The following ASH1L variants were observed in gnomAD, a reference collection of about 807,000 sequenced individuals.
ASH1L encodes the protein histone-lysine N-methyltransferase ASH1L.
In ASH1L, 23 loss-of-function variants were observed where a neutral mutation model predicts 269.0. The observed-to-expected ratio is 0.09, with a 90% CI of 0.06 to 0.12. The LOEUF is 0.12. Ranked by LOEUF, ASH1L falls within the 10% of genes least tolerant of loss-of-function variation. The pLI is 1.00. For synonymous variants in ASH1L, 1,187 were observed against 1,253.5 expected, an observed-to-expected ratio of 0.95 and a Z score of 1.12; for missense variants, 2,912 against 3,567.8, an observed-to-expected ratio of 0.82 and a Z score of 4.68.
intron 2 of ASH1L, among the ~76,000 whole-genome samples, chr1:155,485,729 GC>G (rs2148744713): frequency 6.6e-6 from 1 of 152,218 alleles, no homozygotes; most frequent in South Asian, 2.1e-4. Context: ...CCATTAAAAT[GC>G]CTACAAACAT....
intron 3 of ASH1L, among the ~76,000 whole-genome samples, chr1:155,474,604 G>C (rs1665385423): frequency 6.6e-6 from 1 of 152,200 alleles, no homozygotes; most frequent in South Asian, 2.1e-4. Flanking sequence ...AGGAGGCTGA[G>C]GCTGGAAAAT....
Position 155,354,647 on chromosome 1 carries a change from A to C in ASH1L, c.7056-17T>G. On this transcript the variant is annotated splice_polypyrimidine_tract_variant and intron_variant, in intron 15 of 27. Transcript: ENST00000392403. ...ACAAAGTTCCTGCAAGGAAGGAAAA[A>C]AAATCTTCCTTTATTCATTAATTAA... The C allele has an allele frequency of 6.2e-7, 1 of 1,603,124 alleles. No individual in the cohort carries two copies. Among genetic ancestry groups the C allele is most frequent in the Non-Finnish European group, 8.5e-7 (1 of 1,176,556 alleles).
intron 3 of ASH1L, among the ~76,000 whole-genome samples, chr1:155,463,749 C>T (rs944309072): frequency 7.2e-5 from 11 of 152,172 alleles, no homozygotes; most frequent in African/African-American, 1.9e-4. Flanking sequence ...AAGCTGTGAT[C>T]GCACCACTGC....
Position 155,479,026 on chromosome 1 carries a change from T to C in ASH1L, c.3844A>G (p.Arg1282Gly). The C allele has an allele frequency of 6.2e-7, 1 of 1,613,916 alleles. No individual in the cohort carries two copies. Among genetic ancestry groups the C allele is most frequent in the Non-Finnish European group, 8.5e-7 (1 of 1,180,034 alleles). Residue 1282 changes from arginine (R) to glycine (G), a missense_variant, in exon 3 of 28, where the codon AGA (arginine) becomes GGA (glycine). Coordinates refer to ENST00000392403, the MANE Select transcript of ASH1L (RefSeq NM_018489.3). ...RKKKYPQLRN[R>G]QDPDFIAELE... is the part of the protein sequence containing the mutation. Reference sequence around the variant, plus strand: ...TCTGCAATAAAGTCTGGATCCTGTCTATTTCGAAGCTGGGGATATTTCTTT... The same window carrying C: ...TCTGCAATAAAGTCTGGATCCTGTCCATTTCGAAGCTGGGGATATTTCTTT...
chr1:155,464,084 G>A (rs1003648209), intron 3 of ASH1L, among the ~76,000 whole-genome samples: 2 of 152,112 alleles, frequency 1.3e-5, no homozygotes, highest in African/African-American at 4.8e-5. Flanking sequence ...TTTCCCAAGG[G>A]AGAAAGTAGT....
At chr1:155,416,378 C>T (rs1571152679) in intron 5 of ASH1L, among the ~76,000 whole-genome samples, 1 of 152,116 alleles carries the variant, frequency 6.6e-6, no homozygotes, top group East Asian at 1.9e-4. Flanking sequence ...CTTGGCCTCC[C>T]AAGTGCTGGG....
At chr1:155,545,174 C>CAAAAAAA (rs1558211884) in intron 1 of ASH1L, among the ~76,000 whole-genome samples, 1 of 2,186 alleles carries the variant, frequency 4.6e-4, no homozygotes, top group African/African-American at 9.7e-4. Flanking sequence ...CTCCATCTCA[C>CAAAAAAA]CAAAAAAAAA....
At chr1:155,515,602 C>T (rs1032773029) in intron 2 of ASH1L, among the ~76,000 whole-genome samples, 6 of 151,840 alleles carry the variant, frequency 4.0e-5, no homozygotes, top group African/African-American at 1.5e-4. Flanking sequence ...CTGAGGCAGG[C>T]GAATCACCTG....
At chr1:155,352,630 C>T in intron 17 of ASH1L, 76 bp downstream of exon 17, 1 of 1,419,386 alleles carries the variant, frequency 7.0e-7, no homozygotes, top group Non-Finnish European at 9.4e-7. Flanking sequence ...TATAGCAAGA[C>T]CCTATCTCTA....
At chr1:155,496,170 T>A (rs1177204511) in intron 2 of ASH1L, among the ~76,000 whole-genome samples, 4 of 152,228 alleles carry the variant, frequency 2.6e-5, no homozygotes. Context: ...ATTATTTATT[T>A]AAAAATTTTT....
At chr1:155,420,354 A>T (rs1571163656) in intron 5 of ASH1L, among the ~76,000 whole-genome samples, 1 of 142,722 alleles carries the variant, frequency 7.0e-6, no homozygotes, top group African/African-American at 2.6e-5. Context: ...ACAGAATGAG[A>T]CTCCATCTCA....
chr1:155,475,770 T>C (rs1047371666), intron 3 of ASH1L, among the ~76,000 whole-genome samples: 3 of 152,220 alleles, frequency 2.0e-5, no homozygotes, highest in African/African-American at 7.2e-5. Context: ...CAGTTAAATG[T>C]TGCACATCTG....
intron 2 of ASH1L, among the ~76,000 whole-genome samples, chr1:155,484,956 C>A (rs112088299): frequency 0.012 from 1,458 of 125,274 alleles, 57 homozygotes; most frequent in Admixed American, 0.075. Context: ...AAAACAAAAA[C>A]AAAAACAAAA....
chr1:155,338,031 C>T, intron 27 of ASH1L, 58 bp downstream of exon 27: 2 of 1,522,436 alleles, frequency 1.3e-6, no homozygotes, highest in Non-Finnish European at 1.8e-6. Context: ...AATTTTTTTC[C>T]ATTCCCTCTC....
intron 12 of ASH1L, among the ~76,000 whole-genome samples, chr1:155,361,518 CAAAAAAAAAAAAAAAAAA>C (rs1161207568): frequency 2.7e-5 from 1 of 36,382 alleles, no homozygotes; most frequent in African/African-American, 1.3e-4. Context: ...CTCCATCTCA[CAAAAAAAAAAAAAAAAAA>C]AAAAAAAAAA....
intron 6 of ASH1L, among the ~76,000 whole-genome samples, chr1:155,400,491 C>T (rs929272716): frequency 2.0e-5 from 3 of 152,122 alleles, no homozygotes; most frequent in African/African-American, 7.2e-5. Flanking sequence ...AACTGAGTAA[C>T]AGGTACTATT....
intron 13 of ASH1L, among the ~76,000 whole-genome samples, chr1:155,358,489 T>C (rs563800312): frequency 6.6e-6 from 1 of 151,702 alleles, no homozygotes; most frequent in African/African-American, 2.4e-5. Flanking sequence ...ATCGAGACCA[T>C]CCTGGCTAAC....
At chr1:155,344,770 C>T (rs1169973412) in intron 21 of ASH1L, among the ~76,000 whole-genome samples, 1 of 152,194 alleles carries the variant, frequency 6.6e-6, no homozygotes, top group East Asian at 1.9e-4. Context: ...ACAGAACCCA[C>T]TTAATGACTT....
At chr1:155,422,897 C>T (rs1220682849) in intron 5 of ASH1L, among the ~76,000 whole-genome samples, 2 of 151,720 alleles carry the variant, frequency 1.3e-5, no homozygotes, top group African/African-American at 4.8e-5. Flanking sequence ...TGATCGCCTG[C>T]CTCGGCCTCC....
Sources: gnomAD v4.1 joint callset for allele counts (sites outside exome capture counted in the v4.1 genomes callset) on GRCh38, gnomAD v4.1.1 for gene constraint, MANE v1.5 for transcripts, NCBI Gene and HGNC (gene_info 2026-07-23, HGNC 2026-07-21) for gene names.